The following ZFP64 variants were observed in gnomAD, a reference collection of about 807,000 sequenced individuals.
The protein encoded by ZFP64 is zinc finger protein 64.
A neutral mutation model predicts 51.6 loss-of-function variants in ZFP64; 14 were observed. That is an observed-to-expected ratio of 0.27 (90% confidence interval 0.18 to 0.42). The LOEUF is 0.42. Among genes scored for constraint, ZFP64 ranks in the 10% least tolerant of loss-of-function variants. The pLI is 1.00. For synonymous variants in ZFP64, 375 were observed against 361.4 expected (o/e 1.04, Z -0.43); for missense variants, 754 against 906.8 (o/e 0.83, Z 2.16).
chr20:52,084,794 G>A (rs1600677466), exon 9 of ZFP64: 1 of 1,614,214 alleles, frequency 6.2e-7, no homozygotes, highest in South Asian at 1.1e-5. Flanking sequence ...CGTGCTGGGA[G>A]CTGCCCTCTC....
chr20:52,133,977 C>T (rs1979846768), intron 5 of ZFP64, among the ~76,000 whole-genome samples: 1 of 145,480 alleles, frequency 6.9e-6, no homozygotes, highest in Non-Finnish European at 1.5e-5. Context: ...TGCAGTGAGC[C>T]ATGATCATGC....
intron 5 of ZFP64, among the ~76,000 whole-genome samples, chr20:52,111,810 A>G (rs1978599775): frequency 6.6e-6 from 1 of 151,810 alleles, no homozygotes; most frequent in African/African-American, 2.4e-5. Context: ...GGCTGGGCAC[A>G]GTGGCTTACA....
At chr20:52,144,271 G>A (rs2122923014) in intron 5 of ZFP64, among the ~76,000 whole-genome samples, 1 of 142,076 alleles carries the variant, frequency 7.0e-6, no homozygotes, top group East Asian at 2.4e-4. Context: ...GAAAAGCAGG[G>A]GAAAGAAGTA....
At chr20:52,122,133 G>T (rs1341254864) in intron 5 of ZFP64, among the ~76,000 whole-genome samples, 1 of 152,148 alleles carries the variant, frequency 6.6e-6, no homozygotes, top group Non-Finnish European at 1.5e-5. Flanking sequence ...GATGTACAAG[G>T]AGATGAATGT....
chr20:52,175,730 G>A (rs1983140974), intron 2 of ZFP64, among the ~76,000 whole-genome samples: 1 of 152,078 alleles, frequency 6.6e-6, no homozygotes, highest in African/African-American at 2.4e-5. Context: ...TGGAATCCCA[G>A]GCACGTGGGA....
chr20:52,097,282 G>C, intron 7 of ZFP64: 1 of 1,444,800 alleles, frequency 6.9e-7, no homozygotes, highest in South Asian at 1.2e-5. Flanking sequence ...ATGAGGCAGA[G>C]ACTGTCCTGT....
At position 52,160,176 on chromosome 20, in the gene ZFP64, G is replaced by A. The variant is rs747077792; in HGVS notation, c.710C>T (p.Pro237Leu). ...CTGGCTGGAGTTGCGGCTGGCGTAG[G>A]GGCAGATCTGGCATTTGAAGGGCCG... ...DERPFKCQIC[P>L]YASRNSSQLT... Residue 237 changes from proline (P) to leucine (L), a missense_variant, in exon 5 of 6, where the codon CCC (proline) becomes CTC (leucine). By Grantham distance (98) the Pro-to-Leu change is moderately conservative. Around this residue, in one of 3 missense-constraint regions of ZFP64, gnomAD observed 231 missense variants for 336.7 expected, o/e 0.69. Coordinates refer to ENST00000216923, the MANE Select transcript of ZFP64 (RefSeq NM_018197.3). This position sits in a 1 kb window ranked among gnomAD's most constrained non-coding sequence, Gnocchi z 4.2. 1.2e-6 allele frequency: 2 copies of A among 1,614,154 alleles called. No individual in the cohort carries two copies. Among genetic ancestry groups the A allele is most frequent in the East Asian group, 2.2e-5 (1 of 44,884 alleles).
intron 5 of ZFP64, among the ~76,000 whole-genome samples, chr20:52,101,367 C>T (rs1007592974): frequency 5.2e-5 from 5 of 96,580 alleles, no homozygotes; most frequent in Non-Finnish European, 1.1e-4. Context: ...ACTTGCGATT[C>T]CAGGGACTTG....
chr20:52,162,551 C>T (rs763622400), intron 4 of ZFP64, among the ~76,000 whole-genome samples: 3 of 151,918 alleles, frequency 2.0e-5, no homozygotes, highest in South Asian at 2.1e-4. Context: ...GATATGAACC[C>T]GGGAGGCAGA....
chr20:52,145,128 A>G (rs1227117506), intron 5 of ZFP64, among the ~76,000 whole-genome samples: 7 of 152,212 alleles, frequency 4.6e-5, no homozygotes, highest in Admixed American at 3.3e-4. Flanking sequence ...TTAGAGTTGC[A>G]TAAGAAACAA....
chr20:52,146,203 C>G (rs540533552), intron 5 of ZFP64, among the ~76,000 whole-genome samples: 25 of 152,126 alleles, frequency 1.6e-4, no homozygotes, highest in Admixed American at 7.8e-4. Flanking sequence ...CTAGAAATAC[C>G]ATTTGACCCA....
rs142807481 is a variant in ZFP64 at position 52,171,034 on chromosome 20, G to A, written c.287-5009C>T. ...TAACATTTGAATATAAAACATGGAA[G>A]CATATAATTATTATATTAATAGTAT... On this transcript the variant is annotated intron_variant, in intron 2 of 5. Transcript: ENST00000216923. Among the ~76,000 whole-genome samples, 671 of 152,312 alleles carry A rather than the reference G, an allele frequency of 4.4e-3. 8 individuals carry two copies. Among genetic ancestry groups the A allele is most frequent in the African/African-American group, 0.015 (632 of 41,564 alleles).
rs1009490849 is a variant in ZFP64 at position 52,160,501 on chromosome 20, A to C, written c.512-127T>G. The C allele has an allele frequency of 5.2e-5, 64 of 1,232,214 alleles. No individual in the cohort carries two copies. The highest frequency in any genetic ancestry group is 6.7e-5 in the Non-Finnish European group (61 of 910,854). 76.3% of individuals were successfully genotyped at this position (1,232,214 alleles called of 1,614,324 possible). ...AAGAATATTCCAAAAACCCTAAAACACTGGGTGGATGATTGGCAAAGAGCT... is the reference window on the plus strand; with the variant it reads ...AAGAATATTCCAAAAACCCTAAAACCCTGGGTGGATGATTGGCAAAGAGCT... On this transcript the variant is annotated intron_variant, in intron 4 of 5. Coordinates refer to ENST00000216923, the MANE Select transcript of ZFP64 (RefSeq NM_018197.3). The surrounding 1 kb of genome is among the most constrained non-coding windows in gnomAD (Gnocchi z 4.2).
At chr20:52,173,433 C>CA (rs943753641) in intron 2 of ZFP64, among the ~76,000 whole-genome samples, 31 of 152,014 alleles carry the variant, frequency 2.0e-4, no homozygotes, top group African/African-American at 7.3e-4. Context: ...CAAAACCATA[C>CA]AAAAAATAGC....
chr20:52,092,546 C>G (rs1202928983), intron 7 of ZFP64, among the ~76,000 whole-genome samples: 2 of 152,120 alleles, frequency 1.3e-5, no homozygotes, highest in African/African-American at 4.8e-5. Flanking sequence ...ACTGCGAAGT[C>G]TGGATTAAAA....
At chr20:52,175,228 T>G (rs1433202195) in intron 2 of ZFP64, among the ~76,000 whole-genome samples, 1 of 152,192 alleles carries the variant, frequency 6.6e-6, no homozygotes, top group Non-Finnish European at 1.5e-5. Context: ...GTTCAAGTGA[T>G]TCTCCTGCCT....
At chr20:52,134,097 G>A (rs1006169131) in intron 5 of ZFP64, among the ~76,000 whole-genome samples, 4 of 150,788 alleles carry the variant, frequency 2.7e-5, no homozygotes, top group African/African-American at 9.8e-5. Context: ...TCACCCCACT[G>A]AGAACTAAAT....
chr20:52,156,578 C>T (rs1263450551), intron 5 of ZFP64, among the ~76,000 whole-genome samples: 2 of 152,142 alleles, frequency 1.3e-5, no homozygotes, highest in African/African-American at 4.8e-5. Flanking sequence ...CCAGCTGATC[C>T]CCGCATGGGA....
At position 52,110,654 on chromosome 20, in the gene ZFP64, C is replaced by A. The variant is rs1378894683; in HGVS notation, c.764-12067G>T. The stretch of plus-strand genomic sequence containing the variant: ...TGGCCAGGGTGTCCTATGCAGCTGG[C>A]CACCAGGCCACCTGGCATAGCTAGC... On this transcript the variant is annotated intron_variant, in intron 5 of 8. Transcript: ENST00000361387. 2.3e-6 allele frequency: 3 copies of A among 1,321,130 alleles called. No homozygotes were observed. The African/African-American group carries it at 4.4e-5, about 19-fold the overall frequency. The allele number at this position is 1,321,130 out of a possible 1,614,324, so 81.8% of individuals were successfully genotyped here.
Sources: gnomAD v4.1 joint callset for allele counts (sites outside exome capture counted in the v4.1 genomes callset) on GRCh38, gnomAD v4.1.1 for gene constraint, gnomAD v4.1.1 regional missense constraint, Gnocchi (gnomAD v3.1) non-coding constraint, MANE v1.5 for transcripts, NCBI Gene and HGNC (gene_info 2026-07-23, HGNC 2026-07-21) for gene names.